The following CAPSL variants were observed in gnomAD, a reference collection of about 807,000 sequenced individuals.
CAPSL encodes calcyphosine like.
A neutral mutation model predicts 21.3 loss-of-function variants in CAPSL; 17 were observed. The ratio of observed to expected loss-of-function variants is 0.80; its 90% CI spans 0.55 to 1.20. The LOEUF is 1.20. Among genes scored for constraint, CAPSL ranks in the 50% most tolerant of loss-of-function variants. The pLI is 0.00. For missense variants in CAPSL, 289 were observed against 259.3 expected (o/e 1.11, Z -0.79); for synonymous variants, 102 against 89.3 (o/e 1.14, Z -0.80).
Position 35,910,560 on chromosome 5 carries a change from C to A in CAPSL, c.138-17G>T, listed in dbSNP as rs769552588. 6 of 1,548,584 alleles carry A rather than the reference C, an allele frequency of 3.9e-6. No individual in the cohort carries two copies. The African/African-American group carries it at 4.1e-5, about 11-fold the overall frequency. Reference sequence around the variant, plus strand: ...CTAAACACTCTGAAGAAAATACACACAAAAATTCAGAAGAAATGTACAAAT... The same window carrying A: ...CTAAACACTCTGAAGAAAATACACAAAAAAATTCAGAAGAAATGTACAAAT... On this transcript the variant is annotated splice_polypyrimidine_tract_variant and intron_variant, in intron 2 of 4. Coordinates refer to ENST00000651391, the MANE Select transcript of CAPSL (RefSeq NM_001042625.2).
chr5:35,933,014 T>C (rs1738858167), intron 1 of CAPSL, among the ~76,000 whole-genome samples: 3 of 152,198 alleles, frequency 2.0e-5, no homozygotes. Flanking sequence ...AACAACCACA[T>C]ACGTGTATTT....
At chr5:35,918,797 G>T (rs1171085336) in intron 2 of CAPSL, among the ~76,000 whole-genome samples, 1 of 152,022 alleles carries the variant, frequency 6.6e-6, no homozygotes, top group East Asian at 1.9e-4. Flanking sequence ...AGCAATAATG[G>T]GTTGAATGAA....
intron 1 of CAPSL, among the ~76,000 whole-genome samples, chr5:35,931,069 G>C (rs1026728776): frequency 6.6e-6 from 1 of 152,138 alleles, no homozygotes; most frequent in African/African-American, 2.4e-5. Context: ...TTGACTTCAC[G>C]ATCCTGTCTT....
At chr5:35,924,518 A>G in intron 1 of CAPSL, among the ~76,000 whole-genome samples, 1 of 152,178 alleles carries the variant, frequency 6.6e-6, no homozygotes, top group East Asian at 1.9e-4. Flanking sequence ...CTACCCAGCG[A>G]TGATGTTGGC....
intron 1 of CAPSL, among the ~76,000 whole-genome samples, chr5:35,933,031 G>A (rs1738858850): frequency 6.6e-6 from 1 of 152,098 alleles, no homozygotes; most frequent in African/African-American, 2.4e-5. Context: ...ATTTCTATAT[G>A]GTCTGTGGCG....
intron 1 of CAPSL, among the ~76,000 whole-genome samples, chr5:35,930,864 G>A (rs1396052031): frequency 6.6e-6 from 1 of 152,066 alleles, no homozygotes; most frequent in Non-Finnish European, 1.5e-5. Flanking sequence ...TAGCCAAAGG[G>A]ACCCAAAGGA....
At chr5:35,937,625 G>A (rs1738985641) in intron 1 of CAPSL, among the ~76,000 whole-genome samples, 1 of 152,196 alleles carries the variant, frequency 6.6e-6, no homozygotes, top group South Asian at 2.1e-4. Flanking sequence ...TTACGAGGTA[G>A]AGCTGTATCC....
intron 1 of CAPSL, among the ~76,000 whole-genome samples, chr5:35,926,828 T>C (rs1313739837): frequency 3.3e-5 from 5 of 152,170 alleles, no homozygotes; most frequent in Non-Finnish European, 7.3e-5. Flanking sequence ...AATGGAAACT[T>C]CTCACCTCAC....
chr5:35,911,077 A>G (rs55654952), intron 2 of CAPSL, among the ~76,000 whole-genome samples: 40,869 of 152,146 alleles, frequency 0.27, 5,799 homozygotes, highest in African/African-American at 0.35. Flanking sequence ...ATGCTGGATT[A>G]TAACCCAAAA....
chr5:35,914,266 T>A (rs1023667278), intron 2 of CAPSL, among the ~76,000 whole-genome samples: 1 of 152,104 alleles, frequency 6.6e-6, no homozygotes, highest in African/African-American at 2.4e-5. Flanking sequence ...AATGGGAGAC[T>A]TTACCACCCC....
intron 1 of CAPSL, among the ~76,000 whole-genome samples, chr5:35,924,797 C>T (rs146524373): frequency 1.0e-3 from 154 of 152,266 alleles, no homozygotes; most frequent in Non-Finnish European, 4.4e-5. Context: ...TGTATTTAAG[C>T]AGAAGGGAAA....
chr5:35,907,905 C>T (rs1760715341), intron 4 of CAPSL, among the ~76,000 whole-genome samples: 1 of 152,106 alleles, frequency 6.6e-6, no homozygotes, highest in African/African-American at 2.4e-5. Context: ...CCATGGAGTT[C>T]CTCTACAACA....
At chr5:35,926,534 G>C (rs369867674) in intron 1 of CAPSL, among the ~76,000 whole-genome samples, 1 of 152,202 alleles carries the variant, frequency 6.6e-6, no homozygotes. Context: ...CATGGGGTCT[G>C]TATCTTCATG....
chr5:35,919,438 C>T (rs930864220), intron 2 of CAPSL, among the ~76,000 whole-genome samples: 1 of 152,022 alleles, frequency 6.6e-6, no homozygotes, highest in African/African-American at 2.4e-5. Context: ...ATGAAGGTGC[C>T]AAGGTTATAA....
At chr5:35,909,776 A>C (rs1367146225) in intron 4 of CAPSL, 90 bp downstream of exon 4, 1 of 1,030,200 alleles carries the variant, frequency 9.7e-7, no homozygotes, top group Non-Finnish European at 1.4e-6. Flanking sequence ...TATGGTATCA[A>C]TGTGTTAACA....
At chr5:35,922,303 C>T (rs1228838989) in intron 1 of CAPSL, among the ~76,000 whole-genome samples, 1 of 152,134 alleles carries the variant, frequency 6.6e-6, no homozygotes, top group African/African-American at 2.4e-5. Flanking sequence ...GAAAGGGAAT[C>T]TCATCAAGCC....
At chr5:35,912,388 A>T (rs1413199725) in intron 2 of CAPSL, among the ~76,000 whole-genome samples, 2 of 152,326 alleles carry the variant, frequency 1.3e-5, no homozygotes, top group East Asian at 1.9e-4. Context: ...GCAGCTTGAG[A>T]TCTGATAATG....
At chr5:35,904,686 T>A in intron 4 of CAPSL, 40 bp from the exon 5 acceptor site, 1 of 1,609,344 alleles carries the variant, frequency 6.2e-7, no homozygotes. Flanking sequence ...AAACTTTGCT[T>A]CTCACTCTGT....
chr5:35,926,902 G>C (rs942716085), intron 1 of CAPSL, among the ~76,000 whole-genome samples: 1 of 152,140 alleles, frequency 6.6e-6, no homozygotes, highest in African/African-American at 2.4e-5. Flanking sequence ...CTTTTTCAGG[G>C]AAAAGACCGT....
Sources: allele counts gnomAD v4.1 joint callset (sites outside exome capture counted in the v4.1 genomes callset), GRCh38; gene constraint gnomAD v4.1.1; transcripts MANE v1.5; gene names NCBI Gene and HGNC (gene_info 2026-07-23, HGNC 2026-07-21).